Variants in RICTOR observed in about 807,000 individuals in gnomAD.
RICTOR encodes the protein RPTOR independent companion of MTOR complex 2.
In RICTOR, 49 loss-of-function variants were observed where a neutral mutation model predicts 214.9. That is an observed-to-expected ratio of 0.23 (90% CI 0.18 to 0.29). The LOEUF (loss-of-function observed/expected upper bound fraction) is 0.29, where lower values mean the gene tolerates loss of function less well. Ranked by LOEUF, RICTOR falls within the 10% of genes least tolerant of loss-of-function variation. The pLI is 1.00. For missense variants in RICTOR, 1,625 were observed against 2,047.0 expected (o/e 0.79, Z 3.98); for synonymous variants, 717 against 711.3 (o/e 1.01, Z -0.13).
chr5:38,990,801 T>TATGAGATATATG lies in RICTOR; in HGVS notation c.583+147_583+148insCATATATCTCAT, dbSNP rs1554068192. 13 of 80,980 alleles carry TATGAGATATATG rather than the reference T, an allele frequency of 1.6e-4. 2 individuals carry two copies. The East Asian group carries it at 2.0e-3, about 13-fold the overall frequency. 5.0% of individuals were successfully genotyped at this position (80,980 alleles called of 1,614,324 possible). ...TATATGAGATATATGAGATATATGA[T>TATGAGATATATG]ATATATGAGATATATGAGATATATG... On this transcript the variant is annotated intron_variant, in intron 7 of 37. Coordinates refer to ENST00000357387, the MANE Select transcript of RICTOR (RefSeq NM_152756.5).
At chr5:39,045,934 T>C (rs1026978576) in intron 2 of RICTOR, among the ~76,000 whole-genome samples, 2 of 152,026 alleles carry the variant, frequency 1.3e-5, no homozygotes, top group African/African-American at 2.4e-5. Context: ...TCCATTTGTA[T>C]TGATTCCACA....
intron 10 of RICTOR, among the ~76,000 whole-genome samples, chr5:38,975,180 C>T (rs879618968): frequency 4.9e-4 from 75 of 152,280 alleles, no homozygotes; most frequent in Middle Eastern, 3.4e-3. Flanking sequence ...TGACACTACA[C>T]TGTACTTTAA....
chr5:39,007,322 A>T (rs996770568), intron 3 of RICTOR, among the ~76,000 whole-genome samples: 56 of 152,080 alleles, frequency 3.7e-4, no homozygotes, highest in Non-Finnish European at 1.2e-4. Flanking sequence ...GCTATTTTCT[A>T]TATCTTCCTA....
intron 16 of RICTOR, 59 bp downstream of exon 16, chr5:38,964,733 T>A: frequency 1.2e-6 from 1 of 846,510 alleles, no homozygotes; most frequent in Non-Finnish European, 1.8e-6. Flanking sequence ...GAAGAGACAA[T>A]AATCTAATTT....
At chr5:38,975,353 G>A (rs1334661763) in intron 10 of RICTOR, among the ~76,000 whole-genome samples, 184 bp downstream of exon 10, 2 of 151,992 alleles carry the variant, frequency 1.3e-5, no homozygotes, top group African/African-American at 4.8e-5. Context: ...AATTCCTATT[G>A]ACTATTACAA....
chr5:38,968,887 T>C (rs1227713480), intron 11 of RICTOR, among the ~76,000 whole-genome samples: 1 of 150,590 alleles, frequency 6.6e-6, no homozygotes, highest in African/African-American at 2.4e-5. Context: ...ACATACAAGG[T>C]ATGGAGGTGG....
At position 39,017,296 on chromosome 5, in the gene RICTOR, C is replaced by T. The variant is rs558557268; in HGVS notation, c.195+3743G>A. Reference sequence around the variant, plus strand: ...AACAGTTAAAACTAAGCAAGTGAGGCTTATTTGAATTGAGTGAAGACTGGT... The same window carrying T: ...AACAGTTAAAACTAAGCAAGTGAGGTTTATTTGAATTGAGTGAAGACTGGT... On this transcript the variant is annotated intron_variant, in intron 3 of 37. Coordinates refer to ENST00000357387, the MANE Select transcript of RICTOR (RefSeq NM_152756.5). 1.0e-3 allele frequency among the ~76,000 whole-genome samples: 152 copies of T among 152,168 alleles called. 1 individual carries two copies. Among genetic ancestry groups the T allele is most frequent in the Non-Finnish European group, 2.0e-3 (137 of 67,982 alleles).
chr5:38,956,762 T>C (rs1039816912), intron 25 of RICTOR, among the ~76,000 whole-genome samples: 2 of 152,176 alleles, frequency 1.3e-5, no homozygotes, highest in Non-Finnish European at 1.5e-5. Flanking sequence ...ATGATTTGTA[T>C]AATAAATTTT....
intron 6 of RICTOR, among the ~76,000 whole-genome samples, 155 bp from the exon 7 acceptor site, chr5:38,991,230 A>G (rs1393193329): frequency 5.3e-5 from 8 of 152,194 alleles, no homozygotes; most frequent in African/African-American, 1.7e-4. Context: ...CAAAAGATTA[A>G]TATAACTAAT....
intron 2 of RICTOR, among the ~76,000 whole-genome samples, chr5:39,023,512 TAG>T (rs1176745802): frequency 2.0e-5 from 3 of 152,228 alleles, no homozygotes; most frequent in African/African-American, 7.2e-5. Context: ...ACCTCCGGAA[TAG>T]AGTGTCAATT....
chr5:38,992,812 GT>G (rs1435358836), intron 6 of RICTOR, among the ~76,000 whole-genome samples: 9 of 152,288 alleles, frequency 5.9e-5, no homozygotes, highest in African/African-American at 1.9e-4. Flanking sequence ...TGCAGTCACT[GT>G]TAAAACTGTA....
chr5:39,034,566 T>G (rs1378308860), intron 2 of RICTOR, among the ~76,000 whole-genome samples: 1 of 152,166 alleles, frequency 6.6e-6, no homozygotes, highest in Non-Finnish European at 1.5e-5. Context: ...CCTTTCCTAG[T>G]CAAAGAAAGG....
At chr5:39,041,483 C>CT (rs1242654833) in intron 2 of RICTOR, among the ~76,000 whole-genome samples, 1 of 152,006 alleles carries the variant, frequency 6.6e-6, no homozygotes, top group Non-Finnish European at 1.5e-5. Context: ...GTTTTTTGTG[C>CT]TTTAGGAATA....
chr5:39,037,083 G>C (rs755917344), intron 2 of RICTOR, among the ~76,000 whole-genome samples: 1 of 151,996 alleles, frequency 6.6e-6, no homozygotes, highest in Non-Finnish European at 1.5e-5. Context: ...CACTCCTCAG[G>C]AAATGTAAAA....
chr5:39,027,026 T>C (rs1015217200), intron 2 of RICTOR, among the ~76,000 whole-genome samples: 10 of 151,958 alleles, frequency 6.6e-5, no homozygotes, highest in African/African-American at 2.4e-5. Context: ...TAAAAAATAA[T>C]GTATTACTCT....
intron 20 of RICTOR, 48 bp from the exon 21 acceptor site, chr5:38,960,026 G>T (rs1749653339): frequency 1.5e-6 from 2 of 1,299,292 alleles, no homozygotes; most frequent in Non-Finnish European, 2.2e-6. Flanking sequence ...TTCAAAATCT[G>T]TAATTAGAAA....
chr5:38,956,440 C>T (rs1408786690), intron 25 of RICTOR, among the ~76,000 whole-genome samples: 3 of 152,074 alleles, frequency 2.0e-5, no homozygotes, highest in African/African-American at 7.2e-5. Flanking sequence ...TCCACACTTA[C>T]CTTAGTTCCA....
intron 2 of RICTOR, among the ~76,000 whole-genome samples, chr5:39,021,408 T>C (rs970582153): frequency 7.2e-5 from 11 of 152,178 alleles, no homozygotes; most frequent in Non-Finnish European, 2.9e-5. Flanking sequence ...TTTGAATGTG[T>C]TCCCCCCAAA....
rs1749107243 is a variant in RICTOR at position 38,954,839 on chromosome 5, G to A, written c.2632C>T (p.Leu878=). 6.3e-7 allele frequency: 1 copy of A among 1,598,878 alleles called. No homozygotes were observed. Among genetic ancestry groups the A allele is most frequent in the Admixed American group, 1.7e-5 (1 of 59,744 alleles). ...NQRLQRPHVY[L]PIHLYGQLVH... The stretch of plus-strand genomic sequence containing the variant: ...AGTTGTCCATAAAGGTGTATAGGCA[G>A]GTAGACGTGAGGACGCTGTAATCTA... Residue 878 remains leucine, a synonymous_variant, in exon 27 of 38, where the codon CTG becomes TTG. Coordinates refer to ENST00000357387, the MANE Select transcript of RICTOR (RefSeq NM_152756.5).
Sources: allele counts gnomAD v4.1 joint callset (sites outside exome capture counted in the v4.1 genomes callset), GRCh38; gene constraint gnomAD v4.1.1; transcripts MANE v1.5; gene names NCBI Gene and HGNC (gene_info 2026-07-23, HGNC 2026-07-21).